The following SYT3 variants were observed in gnomAD, a reference collection of about 807,000 sequenced individuals.
SYT3 encodes synaptotagmin 3.
Under a neutral mutation model 50.6 loss-of-function variants are expected in SYT3, and 25 were observed. The ratio of observed to expected loss-of-function variants is 0.49; its 90% CI spans 0.36 to 0.69. SYT3 has a LOEUF of 0.69. Ranked by LOEUF, SYT3 falls within the 30% of genes least tolerant of loss-of-function variation. The pLI is 0.00. For missense variants in SYT3, 589 were observed against 793.6 expected (o/e 0.74, Z 3.10); for synonymous variants, 323 against 353.9 (o/e 0.91, Z 0.98).
chr19:50,649,743 T>C, the SYT3 span: 2 of 649,694 alleles, frequency 3.1e-6, no homozygotes, highest in Non-Finnish European at 2.8e-6. Context: ...CAGAACTACA[T>C]TTCCCATGAG....
At chr19:50,652,144 C>T in the SYT3 span, among the ~76,000 whole-genome samples, 18 of 152,098 alleles carry the variant, frequency 1.2e-4, no homozygotes, top group South Asian at 8.3e-4. Context: ...CCACCATGCC[C>T]GGCCTATAAT....
At position 50,625,103 on chromosome 19, in the gene SYT3, A is replaced by G. The variant is rs748814291; in HGVS notation, c.1707+59T>C. 139 of 1,456,512 alleles carry G rather than the reference A, an allele frequency of 9.5e-5. No homozygotes were observed. Among genetic ancestry groups the G allele is most frequent in the Non-Finnish European group, 1.2e-4 (135 of 1,102,612 alleles). The allele number at this position is 1,456,512 out of a possible 1,614,324, so 90.2% of individuals were successfully genotyped here. A position where few individuals can be genotyped will look rare whatever the true frequency, so the allele number is the denominator to read the frequency against. ...AACATGCAGGGCGTTCGTTGCATGG[A>G]TGAAGGGGCCGAGGGTGCACGGGTG... is the stretch of plus-strand genomic sequence containing the variant. On this transcript the variant is annotated intron_variant, in intron 9 of 10. Transcript: ENST00000600079. The surrounding 1 kb of genome is among the most constrained non-coding windows in gnomAD (Gnocchi z 7.5).
intron 3 of SYT3, among the ~76,000 whole-genome samples, chr19:50,636,907 G>A (rs1321723610): frequency 1.3e-5 from 2 of 152,180 alleles, no homozygotes; most frequent in African/African-American, 2.4e-5. Context: ...CCCAGAAGAA[G>A]AGTCACTTAC....
At chr19:50,656,144 T>C in the SYT3 span, 1 of 1,536,132 alleles carries the variant, frequency 6.5e-7, no homozygotes. Context: ...CTGGCCCCCA[T>C]GACCTCTATC....
At chr19:50,642,230 C>T (rs1984694257), upstream of SYT3, among the ~76,000 whole-genome samples, 1 of 152,242 alleles carries the variant, frequency 6.6e-6, no homozygotes, top group Non-Finnish European at 1.5e-5. Flanking sequence ...CCCTGCTGGG[C>T]CTGCCCAGGG....
chr19:50,648,762 C>G, the SYT3 span, among the ~76,000 whole-genome samples: 1 of 144,026 alleles, frequency 6.9e-6, no homozygotes, highest in South Asian at 2.2e-4. Context: ...CTAGAGAACC[C>G]ACTTTCGTTG....
intron 9 of SYT3, among the ~76,000 whole-genome samples, chr19:50,624,061 C>T (rs1033867240): frequency 2.0e-5 from 3 of 151,556 alleles, no homozygotes; most frequent in African/African-American, 7.3e-5. Context: ...CTCCTGGGCT[C>T]AAGAGATCCT....
intron 6 of SYT3, 118 bp downstream of exon 6, chr19:50,629,176 A>C: frequency 2.4e-6 from 2 of 825,030 alleles, no homozygotes; most frequent in Non-Finnish European, 3.7e-6. Flanking sequence ...GATACATTTT[A>C]ACAGAAAAAT....
At chr19:50,653,510 G>C in the SYT3 span, among the ~76,000 whole-genome samples, 2 of 152,022 alleles carry the variant, frequency 1.3e-5, no homozygotes, top group East Asian at 3.9e-4. Context: ...AGGGGATCCC[G>C]TGAAAATGTA....
chr19:50,627,547 C>A (rs535140119), intron 6 of SYT3, among the ~76,000 whole-genome samples: 1 of 152,102 alleles, frequency 6.6e-6, no homozygotes, highest in South Asian at 2.1e-4. Flanking sequence ...ATGGCGAAAC[C>A]CTGTCTCTAC....
intron 4 of SYT3, among the ~76,000 whole-genome samples, chr19:50,631,392 G>A (rs1001100713): frequency 6.6e-6 from 1 of 151,982 alleles, no homozygotes; most frequent in South Asian, 2.1e-4. Context: ...TCGAACTCCT[G>A]ACCTCAAGTG....
At chr19:50,653,727 CACACACA>C in the SYT3 span, among the ~76,000 whole-genome samples, 4 of 149,802 alleles carry the variant, frequency 2.7e-5, no homozygotes, top group Non-Finnish European at 5.9e-5. Context: ...CACACACACA[CACACACA>C]CACACACGTT....
the SYT3 span, among the ~76,000 whole-genome samples, chr19:50,647,692 C>A: frequency 6.6e-6 from 1 of 152,068 alleles, no homozygotes; most frequent in Non-Finnish European, 1.5e-5. Flanking sequence ...AAAAAGGAGG[C>A]TGGGGCAAGG....
At chr19:50,642,690 C>T (rs143460874), upstream of SYT3, among the ~76,000 whole-genome samples, 4,318 of 151,982 alleles carry the variant, frequency 0.028, 206 homozygotes, top group African/African-American at 0.099. Context: ...AAAAATTAGC[C>T]GGGCGTGGTG....
chr19:50,652,861 T>C, the SYT3 span, among the ~76,000 whole-genome samples: 2 of 151,998 alleles, frequency 1.3e-5, no homozygotes, highest in South Asian at 2.1e-4. Context: ...CCTGGGGAGA[T>C]TGAGAACACG....
intron 9 of SYT3, among the ~76,000 whole-genome samples, 158 bp from the exon 10 acceptor site, chr19:50,622,913 C>T (rs1460933939): frequency 2.2e-5 from 3 of 137,676 alleles, no homozygotes; most frequent in Admixed American, 1.5e-4. Context: ...CAATTCCATT[C>T]TACAGATGGG....
chr19:50,653,696 ACACAC>A, the SYT3 span, among the ~76,000 whole-genome samples: 2 of 123,946 alleles, frequency 1.6e-5, no homozygotes, highest in Non-Finnish European at 3.1e-5. Flanking sequence ...ACACACACAC[ACACAC>A]ACACACACAC....
Position 50,630,071 on chromosome 19 carries a change from C to T in SYT3, c.775G>A (p.Gly259Arg). The change falls in exon 5 of 11, where the codon GGA (glycine) becomes AGA (arginine). Residue 259 changes from glycine to arginine, a missense_variant. By Grantham distance (125) the Gly-to-Arg change is moderately radical. Coordinates refer to ENST00000600079, the MANE Select transcript of SYT3 (RefSeq NM_001160329.2). ...RPPALPLPLP[G>R]GEEKAKLIGQ... The stretch of plus-strand genomic sequence containing the variant: ...ATGAGTTTGGCTTTTTCCTCGCCTC[C>T]AGGCAGGGGTAAGGGCAGGGCAGGT... The T allele has an allele frequency of 6.2e-7, 1 of 1,613,936 alleles. No individual in the cohort carries two copies. Among genetic ancestry groups the T allele is most frequent in the South Asian group, 1.1e-5 (1 of 91,012 alleles).
chr19:50,644,056 A>G (rs951587120), upstream of SYT3, among the ~76,000 whole-genome samples: 5 of 152,222 alleles, frequency 3.3e-5, no homozygotes, highest in Admixed American at 6.5e-5. Context: ...AGGGCTGTCA[A>G]GCACACAAGC....
Sources: allele counts gnomAD v4.1 joint callset (sites outside exome capture counted in the v4.1 genomes callset), GRCh38; gene constraint gnomAD v4.1.1; non-coding constraint Gnocchi (gnomAD v3.1); transcripts MANE v1.5; gene names NCBI Gene and HGNC (gene_info 2026-07-23, HGNC 2026-07-21).